The following CSMD1 variants were observed in gnomAD, a reference collection of about 807,000 sequenced individuals.
CSMD1 encodes CUB and Sushi multiple domains 1, also known as CUB and sushi domain-containing protein 1.
CSMD1 carries 213 observed loss-of-function variants against 417.5 expected under a neutral mutation model. The ratio of observed to expected loss-of-function variants is 0.51; its 90% CI spans 0.46 to 0.57. The LOEUF (loss-of-function observed/expected upper bound fraction) is 0.57. Among genes scored for constraint, CSMD1 ranks in the 20% least tolerant of loss-of-function variants. The pLI is 0.00. For missense variants in CSMD1, 6,923 were observed against 4,529.7 expected (o/e 1.53, Z -15.17); for synonymous variants, 2,862 against 1,736.8 (o/e 1.65, Z -16.11).
chr8:4,825,963 C>G (rs935542540), intron 1 of CSMD1, among the ~76,000 whole-genome samples: 4 of 151,766 alleles, frequency 2.6e-5, no homozygotes, highest in African/African-American at 9.7e-5. Context: ...TTGAGGATGA[C>G]TAATTTTTTT....
chr8:3,166,852 T>A (rs1429369808), intron 37 of CSMD1, among the ~76,000 whole-genome samples: 2 of 152,156 alleles, frequency 1.3e-5, no homozygotes, highest in Non-Finnish European at 2.9e-5. Flanking sequence ...AGCAGAGATA[T>A]CTGGGAAAAA....
At chr8:4,316,411 T>C (rs1250638034) in intron 3 of CSMD1, among the ~76,000 whole-genome samples, 2 of 152,266 alleles carry the variant, frequency 1.3e-5, no homozygotes, top group Middle Eastern at 3.4e-3. Flanking sequence ...ACCAAGACAA[T>C]TTCTTCATAT....
chr8:4,032,185 G>T, intron 3 of CSMD1, 86 bp from the exon 4 acceptor site: 3 of 928,746 alleles, frequency 3.2e-6, no homozygotes, highest in South Asian at 2.0e-5. Flanking sequence ...CACCATTTTT[G>T]AATTATTAAA....
At chr8:4,007,977 A>G (rs562725114) in intron 4 of CSMD1, among the ~76,000 whole-genome samples, 53 of 152,298 alleles carry the variant, frequency 3.5e-4, no homozygotes, top group African/African-American at 1.3e-3. Context: ...TTAATTACCA[A>G]AAAGAACGAT....
chr8:3,744,294 G>T (rs929490981), intron 6 of CSMD1, among the ~76,000 whole-genome samples: 4 of 152,114 alleles, frequency 2.6e-5, no homozygotes, highest in Non-Finnish European at 5.9e-5. Context: ...AAAGGCGGAT[G>T]GGGACACAGC....
chr8:3,190,210 T>G (rs541738836), intron 33 of CSMD1, 95 bp from the exon 34 acceptor site: 15 of 889,588 alleles, frequency 1.7e-5, no homozygotes, highest in Non-Finnish European at 1.9e-5. Context: ...CAAGGAGAGC[T>G]GATGCAGACA....
chr8:4,359,837 G>T (rs1353367039), intron 3 of CSMD1, among the ~76,000 whole-genome samples: 4 of 152,346 alleles, frequency 2.6e-5, no homozygotes, highest in Admixed American at 6.5e-5. Context: ...CCTACTGTCG[G>T]AAGCAAGACT....
intron 6 of CSMD1, among the ~76,000 whole-genome samples, chr8:3,750,670 G>C (rs923070060): frequency 6.6e-6 from 1 of 152,130 alleles, no homozygotes; most frequent in Non-Finnish European, 1.5e-5. Context: ...CTGCTTGACA[G>C]AAGGTTTCAC....
intron 54 of CSMD1, among the ~76,000 whole-genome samples, chr8:2,996,263 A>G (rs1703889544): frequency 6.6e-6 from 1 of 152,236 alleles, no homozygotes; most frequent in African/African-American, 2.4e-5. Context: ...ATTCCATATA[A>G]ACACGTAATT....
intron 50 of CSMD1, among the ~76,000 whole-genome samples, chr8:3,037,021 T>C (rs1336767342): frequency 6.6e-6 from 1 of 152,178 alleles, no homozygotes; most frequent in African/African-American, 2.4e-5. Context: ...ATCATTCTTA[T>C]GCATTTGCAT....
intron 2 of CSMD1, among the ~76,000 whole-genome samples, chr8:4,503,469 A>G (rs1204830163): frequency 6.6e-6 from 1 of 152,220 alleles, no homozygotes; most frequent in Non-Finnish European, 1.5e-5. Flanking sequence ...AGAAAAAGAT[A>G]CTTACCTATA....
At chr8:4,439,182 C>A (rs1327834231) in intron 2 of CSMD1, among the ~76,000 whole-genome samples, 1 of 151,948 alleles carries the variant, frequency 6.6e-6, no homozygotes, top group Non-Finnish European at 1.5e-5. Flanking sequence ...AGTAAATGAG[C>A]CATTTTATTA....
chr8:4,279,951 T>C (rs183099954), intron 3 of CSMD1, among the ~76,000 whole-genome samples: 16 of 152,268 alleles, frequency 1.1e-4, no homozygotes, highest in East Asian at 9.6e-4. Context: ...GAAAAGTACA[T>C]AGGGGCAAGA....
intron 5 of CSMD1, among the ~76,000 whole-genome samples, chr8:3,887,253 C>G (rs1806629025): frequency 6.6e-6 from 1 of 152,170 alleles, no homozygotes; most frequent in African/African-American, 2.4e-5. Flanking sequence ...AATGTTCTTG[C>G]ACAGCAGTGG....
At chr8:3,061,730 T>C (rs972375068) in intron 49 of CSMD1, among the ~76,000 whole-genome samples, 1 of 152,230 alleles carries the variant, frequency 6.6e-6, no homozygotes, top group Non-Finnish European at 1.5e-5. Context: ...CCTTTATCAG[T>C]ATAATATCTG....
intron 46 of CSMD1, among the ~76,000 whole-genome samples, chr8:3,097,764 T>TG (rs1206262236): frequency 2.0e-5 from 3 of 151,144 alleles, no homozygotes; most frequent in Admixed American, 2.0e-4. Flanking sequence ...GGATCGGGGG[T>TG]GGGGGGAACT....
At chr8:3,392,507 G>A (rs991303846) in intron 17 of CSMD1, among the ~76,000 whole-genome samples, 10 of 151,914 alleles carry the variant, frequency 6.6e-5, no homozygotes, top group Non-Finnish European at 1.0e-4. Context: ...TTTCTCGCTG[G>A]ACTCATTGGT....
At chr8:4,459,365 G>A (rs950526520) in intron 2 of CSMD1, among the ~76,000 whole-genome samples, 6 of 152,204 alleles carry the variant, frequency 3.9e-5, no homozygotes, top group African/African-American at 1.2e-4. Flanking sequence ...CAGACCCGTG[G>A]TTTACTCATG....
rs369418525 is a variant in CSMD1, at chr8:4,641,096, A to G, written c.86-3538T>C. Among the ~76,000 whole-genome samples, 12 of 151,564 alleles carry G rather than the reference A, an allele frequency of 7.9e-5. No homozygotes were observed. The East Asian group carries it at 2.0e-3, about 26-fold the overall frequency. On this transcript the variant is annotated intron_variant, in intron 1 of 69. Transcript: ENST00000635120. ...CTCTGTGATGTGTATTTTGGTATGC[A>G]TGCAATTACACATATACCAAAATAC... is the stretch of plus-strand genomic sequence containing the variant.
Sources: gnomAD v4.1 joint callset for allele counts (sites outside exome capture counted in the v4.1 genomes callset) on GRCh38, gnomAD v4.1.1 for gene constraint, MANE v1.5 for transcripts, NCBI Gene and HGNC (gene_info 2026-07-23, HGNC 2026-07-21) for gene names.